The following CFAP61 variants were observed in gnomAD, a reference collection of about 807,000 sequenced individuals.
CFAP61 encodes cilia- and flagella-associated protein 61.
CFAP61 carries 107 observed loss-of-function variants against 135.6 expected under a neutral mutation model. The ratio of observed to expected loss-of-function variants is 0.79; its 90% CI spans 0.67 to 0.93. The LOEUF is 0.93. Ranked by LOEUF, CFAP61 falls within the 40% of genes least tolerant of loss-of-function variation. The pLI is 0.00. For missense variants in CFAP61, 1,507 were observed against 1,556.2 expected (o/e 0.97, Z 0.53); for synonymous variants, 575 against 578.5 (o/e 0.99, Z 0.09).
chr20:20,129,186 A>G (rs1600827653), intron 8 of CFAP61, among the ~76,000 whole-genome samples: 2 of 151,844 alleles, frequency 1.3e-5, no homozygotes, highest in African/African-American at 4.9e-5. Context: ...TTCTTTTTGT[A>G]CAAATCATTG....
intron 13 of CFAP61, among the ~76,000 whole-genome samples, chr20:20,185,473 A>G (rs1336020629): frequency 6.6e-6 from 1 of 152,204 alleles, no homozygotes; most frequent in Non-Finnish European, 1.5e-5. Flanking sequence ...GCCCAAAGTT[A>G]GGCTGAAAGA....
intron 25 of CFAP61, among the ~76,000 whole-genome samples, chr20:20,329,767 G>C (rs1268884437): frequency 6.6e-6 from 1 of 152,220 alleles, no homozygotes; most frequent in Non-Finnish European, 1.5e-5. Flanking sequence ...TGCCTGCTTT[G>C]TGCCTCCACG....
chr20:20,194,515 A>G (rs1445416263), intron 15 of CFAP61, among the ~76,000 whole-genome samples: 2 of 152,234 alleles, frequency 1.3e-5, no homozygotes, highest in Non-Finnish European at 2.9e-5. Context: ...TCTTCTCTGC[A>G]GTAAGTTGTA....
intron 24 of CFAP61, among the ~76,000 whole-genome samples, chr20:20,292,090 A>G (rs893723132): frequency 5.7e-4 from 87 of 152,334 alleles, no homozygotes; most frequent in African/African-American, 2.0e-3. Context: ...GGCACAGGCT[A>G]TGGGTTCTTC....
At chr20:20,337,654 G>A (rs2058283885) in intron 25 of CFAP61, among the ~76,000 whole-genome samples, 1 of 20,346 alleles carries the variant, frequency 4.9e-5, no homozygotes, top group African/African-American at 5.4e-5. Context: ...ATGGGTGGGT[G>A]GGTGGATGGA....
At chr20:20,172,028 T>C (rs2054260006) in intron 13 of CFAP61, 9 of 376,064 alleles carry the variant, frequency 2.4e-5, no homozygotes, top group Non-Finnish European at 3.7e-5. Flanking sequence ...CTTGGTTGCA[T>C]GGCCCTACTT....
At chr20:20,152,573 T>A (rs949149016) in intron 9 of CFAP61, among the ~76,000 whole-genome samples, 5 of 152,192 alleles carry the variant, frequency 3.3e-5, no homozygotes, top group Non-Finnish European at 7.4e-5. Flanking sequence ...AGAGTAACTA[T>A]TTTTATGTCA....
chr20:20,358,017 AGG>A, intron 26 of CFAP61, among the ~76,000 whole-genome samples: 1 of 119,906 alleles, frequency 8.3e-6, no homozygotes, highest in South Asian at 3.1e-4. Flanking sequence ...TCACAGTGTG[AGG>A]GGAGGTGGTC....
intron 18 of CFAP61, among the ~76,000 whole-genome samples, chr20:20,231,034 A>G (rs2049096696): frequency 6.6e-6 from 1 of 152,210 alleles, no homozygotes; most frequent in African/African-American, 2.4e-5. Context: ...GAAATTATAA[A>G]ACACATTTGG....
At chr20:20,163,860 T>C (rs142161510) in intron 10 of CFAP61, among the ~76,000 whole-genome samples, 190 bp from the exon 11 acceptor site, 462 of 151,414 alleles carry the variant, frequency 3.1e-3, no homozygotes, top group Admixed American at 6.2e-3. Context: ...TTTAAAAACA[T>C]TTTATGAATT....
intron 6 of CFAP61, among the ~76,000 whole-genome samples, chr20:20,079,607 G>A (rs6046596): frequency 0.66 from 100,461 of 151,966 alleles, 34,231 homozygotes; most frequent in East Asian, 0.91. Context: ...TGCATTCTGA[G>A]AGCGGGGCAG....
At chr20:20,126,617 A>C (rs1191703630) in intron 8 of CFAP61, among the ~76,000 whole-genome samples, 1 of 151,864 alleles carries the variant, frequency 6.6e-6, no homozygotes, top group Admixed American at 6.5e-5. Context: ...TTTATAGGCT[A>C]TCTGGTACTT....
chr20:20,156,462 A>G (rs545557382), intron 9 of CFAP61, among the ~76,000 whole-genome samples: 1 of 152,344 alleles, frequency 6.6e-6, no homozygotes, highest in African/African-American at 2.4e-5. Context: ...TTTCACCCTT[A>G]AAGTCAGGAA....
At chr20:20,180,682 A>G (rs912558897) in intron 13 of CFAP61, among the ~76,000 whole-genome samples, 2 of 152,248 alleles carry the variant, frequency 1.3e-5, no homozygotes, top group African/African-American at 4.8e-5. Context: ...AGGAATATAA[A>G]TCATTCTAAG....
chr20:20,282,902 G>A (rs1601803660), intron 22 of CFAP61, among the ~76,000 whole-genome samples: 1 of 149,558 alleles, frequency 6.7e-6, no homozygotes, highest in Non-Finnish European at 1.5e-5. Context: ...TGGCGCCATT[G>A]CACTCTAGCC....
intron 2 of CFAP61, among the ~76,000 whole-genome samples, chr20:20,067,889 TAAG>T (rs2045417552): frequency 6.6e-6 from 1 of 150,880 alleles, no homozygotes; most frequent in African/African-American, 2.4e-5. Flanking sequence ...TAAGGGGTAA[TAAG>T]AAGTGAAAAT....
chr20:20,098,790 G>A lies in CFAP61; in HGVS notation c.835G>A (p.Asp279Asn), dbSNP rs2047787231. 2 of 1,612,660 alleles carry A rather than the reference G, an allele frequency of 1.2e-6. No individual in the cohort carries two copies. The highest frequency in any genetic ancestry group is 1.7e-6 in the Non-Finnish European group (2 of 1,179,608). ...TGATGACGTTCTGGAATCACCACAA[G>A]ACCTAAGTGTCCGAAGAAGTCAAGG... ...HPDDVLESPQ[D>N]LSVRRSQDAE... The change falls in exon 8 of 27, where the codon GAC (aspartate) becomes AAC (asparagine). Residue 279 changes from aspartate to asparagine, a missense_variant. Coordinates refer to ENST00000245957, the MANE Select transcript of CFAP61 (RefSeq NM_015585.4).
At chr20:20,089,840 G>A (rs1489647897) in intron 6 of CFAP61, among the ~76,000 whole-genome samples, 4 of 152,122 alleles carry the variant, frequency 2.6e-5, no homozygotes, top group African/African-American at 9.7e-5. Context: ...TCCCCAGGAG[G>A]GTGAGCAGTG....
At chr20:20,306,814 T>C (rs2056503887) in intron 25 of CFAP61, among the ~76,000 whole-genome samples, 1 of 152,192 alleles carries the variant, frequency 6.6e-6, no homozygotes, top group African/African-American at 2.4e-5. Flanking sequence ...AGGAAATGTG[T>C]ATATTTAAAT....
Sources: gnomAD v4.1 joint callset for allele counts (sites outside exome capture counted in the v4.1 genomes callset) on GRCh38, gnomAD v4.1.1 for gene constraint, MANE v1.5 for transcripts, NCBI Gene and HGNC (gene_info 2026-07-23, HGNC 2026-07-21) for gene names.